MPPED1: variants seen among roughly 807,000 people sequenced by gnomAD.
The protein encoded by MPPED1 is metallophosphoesterase domain containing 1.
In MPPED1, 16 loss-of-function variants were observed where a neutral mutation model predicts 36.2. That is an observed-to-expected ratio of 0.44 (90% CI 0.30 to 0.67). MPPED1 has a LOEUF of 0.67. Ranked by LOEUF, MPPED1 falls within the 30% of genes least tolerant of loss-of-function variation. The probability of loss-of-function intolerance (pLI) is 0.10; values close to 1 mark genes in which losing one functional copy is unlikely to be tolerated. For missense variants in MPPED1, 307 were observed against 453.4 expected (o/e 0.68, Z 2.93); for synonymous variants, 199 against 191.3 (o/e 1.04, Z -0.33).
At chr22:43,436,531 G>C (rs1929967495) in intron 3 of MPPED1, among the ~76,000 whole-genome samples, 1 of 152,250 alleles carries the variant, frequency 6.6e-6, no homozygotes, top group Non-Finnish European at 1.5e-5. Context: ...CTAATCAAAG[G>C]CCCTGTTTGG....
At position 43,412,097 on chromosome 22, in the gene MPPED1, C is replaced by G. The variant is rs919110467; in HGVS notation, c.-140C>G. ...GCGCCTCCCTCCCGGGAGCCCCTGC[C>G]TCCCTCGGTGCGCGCTGCTGCTCGC... On this transcript the variant is annotated 5_prime_UTR_variant, in exon 1 of 7. Transcript: ENST00000443721. The G allele has an allele frequency of 1.0e-6, 1 of 979,522 alleles. No homozygotes were observed. Among genetic ancestry groups the G allele is most frequent in the African/African-American group, 1.8e-5 (1 of 56,556 alleles). 60.7% of individuals were successfully genotyped at this position (979,522 alleles called of 1,614,324 possible). A position where few individuals can be genotyped will look rare whatever the true frequency, so the allele number is the denominator to read the frequency against.
intron 3 of MPPED1, among the ~76,000 whole-genome samples, chr22:43,439,153 G>T (rs1198186484): frequency 6.6e-6 from 1 of 152,220 alleles, no homozygotes; most frequent in Non-Finnish European, 1.5e-5. Context: ...TGTCAGCTCG[G>T]CTGTGACTGG....
intron 3 of MPPED1, among the ~76,000 whole-genome samples, chr22:43,443,075 A>T (rs1464245046): frequency 1.3e-5 from 2 of 152,124 alleles, no homozygotes; most frequent in East Asian, 3.9e-4. Context: ...AATAGCAAGC[A>T]GAGTGAAGAG....
chr22:43,447,859 T>TTATATATATATATATA lies in MPPED1; in HGVS notation c.406+12654_406+12669dup, dbSNP rs1238294657. On this transcript the variant is annotated intron_variant, in intron 3 of 6. Transcript: ENST00000443721. ...TAAAAATATTTTATATATGTAAATA[T>TTATATATATATATATA]TATATATATATATATATATATATAT... Among the ~76,000 whole-genome samples, 279 of 62,430 alleles carry TTATATATATATATATA rather than the reference T, an allele frequency of 4.5e-3. 14 individuals are homozygous for TTATATATATATATATA. Among genetic ancestry groups the TTATATATATATATATA allele is most frequent in the Admixed American group, 6.1e-3 (23 of 3,760 alleles). 41.0% of individuals were successfully genotyped at this position (62,430 alleles called of 152,430 possible).
intron 2 of MPPED1, among the ~76,000 whole-genome samples, chr22:43,431,768 T>C (rs979595405): frequency 1.3e-5 from 2 of 152,250 alleles, no homozygotes; most frequent in African/African-American, 4.8e-5. Context: ...TGCGTGGGGA[T>C]CATTGAAATC....
In MPPED1 at chr22:43,504,836, TGATA is replaced by T. The variant is rs1360354465; in HGVS notation, c.863-656_863-653del. Among the ~76,000 whole-genome samples the T allele has an allele frequency of 4.7e-5, 7 of 149,000 alleles. No homozygotes were observed. In the East Asian group the frequency reaches 6.1e-4, roughly 13 times the overall value. On this transcript the variant is annotated intron_variant, in intron 6 of 6. Transcript: ENST00000443721. ...ATGATGGTGGTGATGATTGTAGTGA[TGATA>T]GATAGCATTAGTGAAGATGATGATG...
intron 2 of MPPED1, among the ~76,000 whole-genome samples, chr22:43,429,515 C>T (rs2146825219): frequency 6.6e-6 from 1 of 152,364 alleles, no homozygotes; most frequent in South Asian, 2.1e-4. Context: ...TGAGCACTGA[C>T]TCCTCCTTCA....
chr22:43,449,422 A>ACCCCCCCCCCCCCCCCCCCCCCCCC (rs135045), intron 3 of MPPED1, among the ~76,000 whole-genome samples: 4 of 127,312 alleles, frequency 3.1e-5, no homozygotes, highest in East Asian at 2.5e-4. Flanking sequence ...GACAGTGCCA[A>ACCCCCCCCCCCCCCCCCCCCCCCCC]CCCCCCCCGC....
chr22:43,446,504 G>A (rs1260751033), intron 3 of MPPED1, among the ~76,000 whole-genome samples: 1 of 152,224 alleles, frequency 6.6e-6, no homozygotes, highest in African/African-American at 2.4e-5. Context: ...CCGTGCCCAT[G>A]TCTGGGCAGA....
At chr22:43,500,002 C>T (rs772088398) in intron 5 of MPPED1, among the ~76,000 whole-genome samples, 481 of 2,716 alleles carry the variant, frequency 0.18, 4 homozygotes, top group Admixed American at 0.26. Flanking sequence ...ATGGAGGTGG[C>T]GGTGGTGATG....
chr22:43,471,026 C>T (rs1931357417), intron 3 of MPPED1, among the ~76,000 whole-genome samples: 1 of 152,226 alleles, frequency 6.6e-6, no homozygotes, highest in Non-Finnish European at 1.5e-5. Flanking sequence ...GCCCCATCCA[C>T]CCTTTTCTGG....
At chr22:43,431,674 C>T (rs1929692641) in intron 2 of MPPED1, among the ~76,000 whole-genome samples, 1 of 152,180 alleles carries the variant, frequency 6.6e-6, no homozygotes. Flanking sequence ...AATGGGGCTA[C>T]CCATAGTACC....
intron 4 of MPPED1, among the ~76,000 whole-genome samples, chr22:43,476,890 C>G (rs1218757760): frequency 3.3e-5 from 5 of 152,060 alleles, no homozygotes; most frequent in Admixed American, 3.3e-4. Context: ...TCTGATAGGC[C>G]AAAAACCAGG....
intron 1 of MPPED1, among the ~76,000 whole-genome samples, chr22:43,424,624 A>G (rs1389797596): frequency 6.6e-6 from 1 of 151,858 alleles, no homozygotes; most frequent in African/African-American, 2.4e-5. Context: ...AAATGTCTTA[A>G]GTATTTAAAC....
intron 1 of MPPED1, among the ~76,000 whole-genome samples, chr22:43,421,991 C>T (rs1929288984): frequency 6.6e-6 from 1 of 152,192 alleles, no homozygotes; most frequent in Non-Finnish European, 1.5e-5. Flanking sequence ...CTCAGGGTCA[C>T]AGAGCTGCTG....
In MPPED1 at chr22:43,435,139, C is replaced by T. The variant is rs545987986; in HGVS notation, c.330C>T (p.Gly110=). 1.9e-5 allele frequency: 31 copies of T among 1,613,678 alleles called. No individual in the cohort carries two copies. The highest frequency in any genetic ancestry group is 2.5e-5 in the Non-Finnish European group (29 of 1,179,894). Reference sequence around the variant, plus strand: ...CGGACCCCATCCAGATGCCGTACGGCGACGTGCTGATCCACGCTGGGGACT... The same window carrying T: ...CGGACCCCATCCAGATGCCGTACGGTGACGTGCTGATCCACGCTGGGGACT... ...SRTDPIQMPY[G]DVLIHAGDFT... Residue 110 remains glycine (G), a synonymous_variant, in exon 3 of 7, where the codon GGC becomes GGT. Transcript: ENST00000443721.
At chr22:43,446,096 C>T (rs1930336496) in intron 3 of MPPED1, among the ~76,000 whole-genome samples, 1 of 151,884 alleles carries the variant, frequency 6.6e-6, no homozygotes, top group Non-Finnish European at 1.5e-5. Context: ...GTCTCGAACT[C>T]CTGGGCTCAA....
intron 4 of MPPED1, among the ~76,000 whole-genome samples, chr22:43,475,642 CATG>C (rs1250320543): frequency 1.7e-5 from 1 of 57,264 alleles, no homozygotes; most frequent in African/African-American, 8.2e-5. Context: ...TGATGATCGT[CATG>C]ATGATGGTTG....
chr22:43,499,765 CGGTGGTG>C, intron 5 of MPPED1, among the ~76,000 whole-genome samples: 1 of 4,216 alleles, frequency 2.4e-4, no homozygotes, highest in Admixed American at 3.4e-3. Context: ...ATGGAGGTGG[CGGTGGTG>C]ATGGTGGAGG....
Sources: allele counts gnomAD v4.1 joint callset (sites outside exome capture counted in the v4.1 genomes callset), GRCh38; gene constraint gnomAD v4.1.1; transcripts MANE v1.5; gene names NCBI Gene and HGNC (gene_info 2026-07-23, HGNC 2026-07-21).